The following PEAK1 variants were observed in gnomAD, a reference collection of about 807,000 sequenced individuals.
PEAK1 encodes the protein inactive tyrosine-protein kinase PEAK1.
Under a neutral mutation model 124.7 loss-of-function variants are expected in PEAK1, and 54 were observed. That is an observed-to-expected ratio of 0.43 (90% CI 0.35 to 0.54). The LOEUF (loss-of-function observed/expected upper bound fraction) is 0.54. Among genes scored for constraint, PEAK1 ranks in the 20% least tolerant of loss-of-function variants. The pLI is 0.01. For synonymous variants in PEAK1, 719 were observed against 760.0 expected (o/e 0.95, Z 0.89); for missense variants, 2,046 against 2,134.5 (o/e 0.96, Z 0.82).
At chr15:77,361,022 G>A (rs1280924981) in intron 2 of PEAK1, among the ~76,000 whole-genome samples, 1 of 151,896 alleles carries the variant, frequency 6.6e-6, no homozygotes, top group East Asian at 1.9e-4. Context: ...AGAAACAAAC[G>A]GGATTACATC....
At position 77,113,005 on chromosome 15, in the gene PEAK1, A is replaced by G. The variant is rs988803228; in HGVS notation, c.*1151T>C. The stretch of plus-strand genomic sequence containing the variant: ...TTAAACACTGGGAGGCAGTCTCTCT[A>G]GAAGAGGTCAACCTTCTGAGGAGGT... On this transcript the variant is annotated 3_prime_UTR_variant, in exon 10 of 10. Transcript: ENST00000682557. 6.6e-6 allele frequency: 1 copy of G among 152,240 alleles called. No individual in the cohort carries two copies. The highest frequency in any genetic ancestry group is 1.5e-5 in the Non-Finnish European group (1 of 68,084). 9.4% of individuals were successfully genotyped at this position (152,240 alleles called of 1,614,324 possible).
chr15:77,237,884 G>A (rs2060193737), intron 6 of PEAK1, among the ~76,000 whole-genome samples: 1 of 152,060 alleles, frequency 6.6e-6, no homozygotes. Flanking sequence ...TTATTTGCCT[G>A]ATTAATCTTT....
At chr15:77,183,735 AATAT>A (rs1466814053) in intron 6 of PEAK1, among the ~76,000 whole-genome samples, 1 of 152,200 alleles carries the variant, frequency 6.6e-6, no homozygotes, top group Non-Finnish European at 1.5e-5. Flanking sequence ...TTGTATTTGG[AATAT>A]ATAAAGAACT....
At chr15:77,121,605 G>A (rs1187333288) in intron 9 of PEAK1, among the ~76,000 whole-genome samples, 1 of 152,150 alleles carries the variant, frequency 6.6e-6, no homozygotes, top group Non-Finnish European at 1.5e-5. Context: ...AAACAACATG[G>A]CTCTCTGTCA....
intron 2 of PEAK1, chr15:77,334,740 C>A: frequency 1.0e-6 from 1 of 974,930 alleles, no homozygotes; most frequent in Non-Finnish European, 1.2e-6. Context: ...GCTGTTTGTA[C>A]AATACATTTT....
intron 5 of PEAK1, among the ~76,000 whole-genome samples, chr15:77,257,990 T>C (rs2061250038): frequency 6.6e-6 from 1 of 152,214 alleles, no homozygotes; most frequent in Non-Finnish European, 1.5e-5. Context: ...AGGGAATCCT[T>C]TCCCCATTGC....
rs139465272 is a variant in PEAK1, at chr15:77,199,384, C to T, written c.-114-17344G>A. On this transcript the variant is annotated intron_variant, in intron 6 of 9. Transcript: ENST00000682557. Reference sequence around the variant, plus strand: ...AATGTCTCTAATTCAGCCTCTAGATCGGGGGCCATAGGACCTTTAAGGCTT... The same window carrying T: ...AATGTCTCTAATTCAGCCTCTAGATTGGGGGCCATAGGACCTTTAAGGCTT... Among the ~76,000 whole-genome samples, 40 of 152,244 alleles carry T rather than the reference C, an allele frequency of 2.6e-4. No homozygotes were observed. The East Asian group carries it at 7.5e-3, about 29-fold the overall frequency.
chr15:77,217,009 T>C (rs570066619), intron 6 of PEAK1, among the ~76,000 whole-genome samples: 12 of 151,720 alleles, frequency 7.9e-5, no homozygotes, highest in Non-Finnish European at 1.3e-4. Flanking sequence ...CTGAAGCGGA[T>C]CATTTGATCC....
At chr15:77,415,371 A>T (rs1376670344) in intron 1 of PEAK1, among the ~76,000 whole-genome samples, 1 of 152,192 alleles carries the variant, frequency 6.6e-6, no homozygotes, top group African/African-American at 2.4e-5. Flanking sequence ...ACTACAGACT[A>T]TCTTTTTTTC....
chr15:77,418,552 A>C (rs2073078197), intron 1 of PEAK1: 1 of 985,044 alleles, frequency 1.0e-6, no homozygotes. Flanking sequence ...CTCAACTTTG[A>C]AGCCAAGAAA....
intron 2 of PEAK1, chr15:77,348,813 G>GGGGGGGGGGC: frequency 2.2e-5 from 8 of 371,918 alleles, no homozygotes; most frequent in South Asian, 1.2e-4. Context: ...GAGGGGGCGG[G>GGGGGGGGGGC]CAGGTGGGGG....
chr15:77,312,360 G>A (rs1428939120), intron 2 of PEAK1, among the ~76,000 whole-genome samples: 2 of 152,164 alleles, frequency 1.3e-5, no homozygotes, highest in African/African-American at 4.8e-5. Context: ...AGAGAGTACG[G>A]AGCCAATACT....
intron 1 of PEAK1, among the ~76,000 whole-genome samples, chr15:77,373,205 T>C (rs17385550): frequency 0.29 from 44,858 of 152,116 alleles, 7,231 homozygotes; most frequent in Middle Eastern, 0.39. Context: ...TGCTCTCTTA[T>C]GCCCCTATGC....
intron 1 of PEAK1, among the ~76,000 whole-genome samples, chr15:77,376,610 T>A (rs1164232466): frequency 6.6e-6 from 1 of 152,238 alleles, no homozygotes; most frequent in Non-Finnish European, 1.5e-5. Context: ...ATTTCGAAGA[T>A]ACACTTTTCT....
Position 77,111,844 on chromosome 15 carries a change from A to G in PEAK1, c.*2312T>C, listed in dbSNP as rs1263863528. The G allele has an allele frequency of 2.0e-5, 3 of 152,270 alleles. No homozygotes were observed. Among genetic ancestry groups the G allele is most frequent in the African/African-American group, 7.2e-5 (3 of 41,478 alleles). The allele number at this position is 152,270 out of a possible 1,614,324, so 9.4% of individuals were successfully genotyped here. On this transcript the variant is annotated 3_prime_UTR_variant, in exon 10 of 10. Transcript: ENST00000682557. ...AAATTTACATGGGCAAGGCACCACG[A>G]ACATGACATTGAGAAGGTATATCTC...
At chr15:77,165,215 T>G (rs1337573714) in intron 7 of PEAK1, among the ~76,000 whole-genome samples, 1 of 151,302 alleles carries the variant, frequency 6.6e-6, no homozygotes, top group Non-Finnish European at 1.5e-5. Context: ...TTTTTTTTTT[T>G]TTGAGACAGT....
At chr15:77,324,148 G>A (rs1009434242) in intron 2 of PEAK1, among the ~76,000 whole-genome samples, 3 of 152,114 alleles carry the variant, frequency 2.0e-5, no homozygotes, top group African/African-American at 4.8e-5. Flanking sequence ...TGGAATATGC[G>A]CTCAATAAAT....
chr15:77,405,466 T>G (rs2071740406), intron 1 of PEAK1, among the ~76,000 whole-genome samples: 1 of 152,182 alleles, frequency 6.6e-6, no homozygotes, highest in South Asian at 2.1e-4. Flanking sequence ...TGAACTATAT[T>G]CCTATCATAA....
chr15:77,397,939 C>T (rs2071035371), intron 1 of PEAK1, among the ~76,000 whole-genome samples: 2 of 152,258 alleles, frequency 1.3e-5, no homozygotes, highest in African/African-American at 4.8e-5. Context: ...GTGGCGCATG[C>T]CTGTAATCCC....
Sources: gnomAD v4.1 joint callset for allele counts (sites outside exome capture counted in the v4.1 genomes callset) on GRCh38, gnomAD v4.1.1 for gene constraint, MANE v1.5 for transcripts, NCBI Gene and HGNC (gene_info 2026-07-23, HGNC 2026-07-21) for gene names.